Variants in SULT1E1 observed in about 807,000 individuals in gnomAD.
SULT1E1 encodes sulfotransferase family 1E member 1, also known as sulfotransferase 1E1.
SULT1E1 carries 36 observed loss-of-function variants against 33.6 expected under a neutral mutation model. The ratio of observed to expected loss-of-function variants is 1.07; its 90% CI spans 0.82 to 1.41. The LOEUF is 1.41. Among genes scored for constraint, SULT1E1 ranks in the 40% most tolerant of loss-of-function variants. The pLI is 0.00. For synonymous variants in SULT1E1, 121 were observed against 111.7 expected (o/e 1.08, Z -0.53); for missense variants, 371 against 345.7 (o/e 1.07, Z -0.58).
At chr4:69,834,711 G>A in the SULT1E1 span, among the ~76,000 whole-genome samples, 3 of 152,160 alleles carry the variant, frequency 2.0e-5, no homozygotes, top group Non-Finnish European at 4.4e-5. Flanking sequence ...AGTAGCATCA[G>A]CAGGAGAAGA....
intron 1 of SULT1E1, 119 bp from the exon 2 acceptor site, chr4:69,857,772 G>C (rs1578107758): frequency 1.2e-6 from 1 of 834,518 alleles, no homozygotes; most frequent in East Asian, 2.8e-5. Context: ...TGCACATATG[G>C]GGCAAAAACA....
chr4:69,823,823 T>C, the SULT1E1 span, among the ~76,000 whole-genome samples: 1 of 152,244 alleles, frequency 6.6e-6, no homozygotes, highest in Non-Finnish European at 1.5e-5. Flanking sequence ...GTGCCTCTAC[T>C]ACTGAGTCCA....
chr4:69,847,414 G>T (rs1721000268), intron 6 of SULT1E1, among the ~76,000 whole-genome samples: 2 of 151,570 alleles, frequency 1.3e-5, no homozygotes, highest in Admixed American at 6.6e-5. Context: ...GTGTGTGTGT[G>T]TGCCTATGTG....
intron 1 of SULT1E1, 85 bp from the exon 2 acceptor site, chr4:69,857,738 A>G: frequency 7.8e-7 from 1 of 1,277,112 alleles, no homozygotes; most frequent in South Asian, 1.7e-5. Flanking sequence ...GGACCCTCCT[A>G]CATACCTAGC....
chr4:69,823,417 CGAGAGGGGGATCTCTGGGA>C, the SULT1E1 span, among the ~76,000 whole-genome samples: 16 of 152,034 alleles, frequency 1.1e-4, no homozygotes, highest in Admixed American at 1.0e-3. Flanking sequence ...TTAGGGTCTC[CGAGAGGGGGATCTCTGGGA>C]GGAGAGGCAT....
intron 2 of SULT1E1, 113 bp from the exon 3 acceptor site, chr4:69,855,539 G>T: frequency 9.5e-7 from 1 of 1,050,822 alleles, no homozygotes; most frequent in Non-Finnish European, 1.3e-6. Flanking sequence ...ACTATTTAAA[G>T]GGTGTCTGAA....
intron 4 of SULT1E1, among the ~76,000 whole-genome samples, chr4:69,850,859 T>A (rs1039169535): frequency 6.6e-6 from 1 of 152,106 alleles, no homozygotes; most frequent in African/African-American, 2.4e-5. Flanking sequence ...TAGTTTATAT[T>A]CTTTATTTTG....
downstream of SULT1E1, among the ~76,000 whole-genome samples, chr4:69,836,951 C>T (rs1228300940): frequency 1.3e-5 from 2 of 152,138 alleles, no homozygotes; most frequent in East Asian, 1.9e-4. Flanking sequence ...AGCATGGTAG[C>T]ATGTGCCTAT....
intron 4 of SULT1E1, among the ~76,000 whole-genome samples, chr4:69,850,876 C>T (rs1373830122): frequency 1.3e-5 from 2 of 152,034 alleles, no homozygotes; most frequent in Non-Finnish European, 2.9e-5. Context: ...TTTGGCAGAT[C>T]TTATTCAATA....
chr4:69,847,502 AT>A (rs2110067903), intron 6 of SULT1E1, among the ~76,000 whole-genome samples, 195 bp downstream of exon 6: 1 of 151,758 alleles, frequency 6.6e-6, no homozygotes, highest in East Asian at 1.9e-4. Context: ...TTTAAAATGT[AT>A]TTATTTTCAG....
chr4:69,836,821 T>C (rs540616912), downstream of SULT1E1, among the ~76,000 whole-genome samples: 14 of 152,342 alleles, frequency 9.2e-5, no homozygotes, highest in African/African-American at 3.4e-4. Flanking sequence ...ATCATGATGA[T>C]ATGGTTTTAT....
chr4:69,839,022 T>C (rs1430724649), downstream of SULT1E1, among the ~76,000 whole-genome samples: 1 of 152,218 alleles, frequency 6.6e-6, no homozygotes, highest in Non-Finnish European at 1.5e-5. Flanking sequence ...TCAGGCATAG[T>C]CTCATACTAC....
chr4:69,836,753 ATTAAT>A (rs1307936861), downstream of SULT1E1, among the ~76,000 whole-genome samples: 4 of 152,134 alleles, frequency 2.6e-5, no homozygotes, highest in South Asian at 2.1e-4. Flanking sequence ...GTGTATCTGT[ATTAAT>A]TTATTTTGTC....
At chr4:69,849,591 C>A in intron 4 of SULT1E1, 28 bp from the exon 5 acceptor site, 2 of 1,535,638 alleles carry the variant, frequency 1.3e-6, no homozygotes, top group South Asian at 1.3e-5. Context: ...TATATTAAAC[C>A]ACTTAACATT....
chr4:69,836,163 T>C, the SULT1E1 span, among the ~76,000 whole-genome samples: 41,494 of 152,082 alleles, frequency 0.27, 6,171 homozygotes, highest in South Asian at 0.43. Flanking sequence ...ATTTCAATAC[T>C]GCCTTAAAAC....
the SULT1E1 span, among the ~76,000 whole-genome samples, chr4:69,825,108 T>TCTGTGG: frequency 6.6e-6 from 1 of 151,588 alleles, no homozygotes; most frequent in Non-Finnish European, 1.5e-5. Flanking sequence ...ACTGCGAAGG[T>TCTGTGG]CTGTGGCTTC....
chr4:69,854,348 CA>C (rs1721189681), intron 3 of SULT1E1, 34 bp from the exon 4 acceptor site: 1 of 1,387,006 alleles, frequency 7.2e-7, no homozygotes, highest in Non-Finnish European at 1.0e-6. Flanking sequence ...TAAGCAACTT[CA>C]AAAATTGTAA....
At chr4:69,831,112 G>A in the SULT1E1 span, among the ~76,000 whole-genome samples, 4 of 152,108 alleles carry the variant, frequency 2.6e-5, no homozygotes, top group Non-Finnish European at 5.9e-5. Flanking sequence ...AACTCCTTGT[G>A]GGCAGCTGGG....
chr4:69,832,476 G>A, the SULT1E1 span, among the ~76,000 whole-genome samples: 2 of 152,192 alleles, frequency 1.3e-5, no homozygotes, highest in African/African-American at 4.8e-5. Flanking sequence ...CAAAGACTGG[G>A]CCCCGAACAA....
Sources: gnomAD v4.1 joint callset for allele counts (sites outside exome capture counted in the v4.1 genomes callset) on GRCh38, gnomAD v4.1.1 for gene constraint, MANE v1.5 for transcripts, NCBI Gene and HGNC (gene_info 2026-07-23, HGNC 2026-07-21) for gene names.